Variants in DNAJC21 observed in about 807,000 individuals in gnomAD.
DNAJC21 encodes dnaJ homolog subfamily C member 21.
DNAJC21 carries 63 observed loss-of-function variants against 72.4 expected under a neutral mutation model. That is an observed-to-expected ratio of 0.87 (90% confidence interval 0.71 to 1.07). The LOEUF is 1.07. Among genes scored for constraint, DNAJC21 ranks in the 50% least tolerant of loss-of-function variants. The pLI, the probability that DNAJC21 is intolerant of heterozygous loss-of-function variation, is 0.00. For synonymous variants in DNAJC21, 203 were observed against 216.7 expected (o/e 0.94, Z 0.56); for missense variants, 634 against 644.8 (o/e 0.98, Z 0.18).
intron 9 of DNAJC21, chr5:34,949,745 T>A: frequency 6.2e-7 from 1 of 1,601,050 alleles, no homozygotes; most frequent in Non-Finnish European, 8.5e-7. Flanking sequence ...CCATTGTTTG[T>A]GACTGTAGAA....
chr5:34,935,650 A>T, intron 2 of DNAJC21, 60 bp from the exon 3 acceptor site: 1 of 1,601,968 alleles, frequency 6.2e-7, no homozygotes, highest in South Asian at 1.1e-5. Flanking sequence ...AAGGAGCAAG[A>T]AATCCTTTTG....
chr5:34,930,049 G>A, intron 1 of DNAJC21, 133 bp downstream of exon 1: 2 of 627,468 alleles, frequency 3.2e-6, no homozygotes, highest in South Asian at 3.1e-5. Flanking sequence ...TGCCCCGCCC[G>A]GCCAGTGCCC....
Position 34,937,352 on chromosome 5 carries a change from G to A in DNAJC21, c.465G>A (p.Trp155Ter). 6.2e-7 allele frequency: 1 copy of A among 1,612,864 alleles called. No homozygotes were observed. Among genetic ancestry groups the A allele is most frequent in the Non-Finnish European group, 8.5e-7 (1 of 1,179,578 alleles). The change falls in exon 5 of 12, where the codon TGG becomes TGA. Residue 155 changes from tryptophan (W) to a stop codon, truncating the protein, a stop_gained. Coordinates refer to ENST00000648817, the MANE Select transcript of DNAJC21 (RefSeq NM_001012339.3). LOFTEE classifies it high-confidence loss of function. ...DTVVHPFYAY[W>*]QSFCTQKNFA... is the part of the protein sequence containing the mutation. The stretch of plus-strand genomic sequence containing the variant: ...TAGTCCATCCTTTCTACGCTTATTG[G>A]CAGAGTTTCTGCACTCAAAAGAATT...
chr5:34,941,958 T>G (rs1561186416), intron 7 of DNAJC21, among the ~76,000 whole-genome samples: 1 of 152,014 alleles, frequency 6.6e-6, no homozygotes, highest in Non-Finnish European at 1.5e-5. Flanking sequence ...ACATACTGTC[T>G]CGGGGGATTC....
rs541592762 is a variant in DNAJC21 at position 34,939,680 on chromosome 5, T to C, written c.895+671T>C. 1.4e-3 allele frequency among the ~76,000 whole-genome samples: 211 copies of C among 152,264 alleles called. 1 individual carries two copies. The highest frequency in any genetic ancestry group is 4.8e-3 in the African/African-American group (200 of 41,568). ...ATGTGTTGTGTATAAATTCTTCCTCTCCCTTGTGACTTTATAGAAGGGCTC... is the reference window on the plus strand; with the variant it reads ...ATGTGTTGTGTATAAATTCTTCCTCCCCCTTGTGACTTTATAGAAGGGCTC... On this transcript the variant is annotated intron_variant, in intron 6 of 11. Transcript: ENST00000648817.
chr5:34,930,610 C>T (rs918677783), intron 1 of DNAJC21, among the ~76,000 whole-genome samples: 1 of 152,092 alleles, frequency 6.6e-6, no homozygotes, highest in Non-Finnish European at 1.5e-5. Context: ...TAATCCAGGC[C>T]TGTGTGACTT....
chr5:34,953,606 CTGTA>C (rs2112106513), intron 10 of DNAJC21: 1 of 191,494 alleles, frequency 5.2e-6, no homozygotes, highest in Admixed American at 6.1e-5. Flanking sequence ...GTATAAAACA[CTGTA>C]TTAAACACTG....
rs1340569584 is a variant in DNAJC21, at chr5:34,958,490, A to C, written c.*3776A>C. ...GAGAATCTATAAGGTTATTTTCATG[A>C]TTTTGCAAATGGGAAGGATTTCTTT... On this transcript the variant is annotated 3_prime_UTR_variant, in exon 12 of 12. Transcript: ENST00000648817. The C allele has an allele frequency of 1.3e-5, 2 of 152,224 alleles. No homozygotes were observed. The highest frequency in any genetic ancestry group is 6.5e-5 in the Admixed American group (1 of 15,280). The allele number at this position is 152,224 out of a possible 1,614,324, so 9.4% of individuals were successfully genotyped here. A position where few individuals can be genotyped will look rare whatever the true frequency, so the allele number is the denominator to read the frequency against.
intron 7 of DNAJC21, among the ~76,000 whole-genome samples, chr5:34,944,544 C>G (rs1209799645): frequency 2.0e-5 from 3 of 152,004 alleles, no homozygotes; most frequent in African/African-American, 7.2e-5. Context: ...CAAACCTCCC[C>G]CTGCCGACAT....
chr5:34,950,088 A>G (rs375087880), intron 9 of DNAJC21, 82 bp from the exon 10 acceptor site: 39 of 1,434,852 alleles, frequency 2.7e-5, no homozygotes, highest in Middle Eastern at 2.1e-4. Context: ...CCGAAGGTAT[A>G]TAACTATTTG....
Position 34,933,955 on chromosome 5 carries a change from C to G in DNAJC21, c.191+47C>G, listed in dbSNP as rs1764684543. ...CCATCCTAGTTTATGATGTTGGGAG[C>G]AGTTATCAATATAGGTGGTTGTTTT... is the stretch of plus-strand genomic sequence containing the variant. On this transcript the variant is annotated intron_variant, in intron 2 of 11. Coordinates refer to ENST00000648817, the MANE Select transcript of DNAJC21 (RefSeq NM_001012339.3). 1.9e-6 allele frequency: 3 copies of G among 1,557,468 alleles called. No homozygotes were observed. The East Asian group carries it at 6.8e-5, about 35-fold the overall frequency.
At chr5:34,931,031 A>C (rs1052597566) in intron 1 of DNAJC21, among the ~76,000 whole-genome samples, 2 of 152,236 alleles carry the variant, frequency 1.3e-5, no homozygotes, top group African/African-American at 4.8e-5. Flanking sequence ...TGAACTCAAC[A>C]GTATGGAGGA....
intron 1 of DNAJC21, among the ~76,000 whole-genome samples, chr5:34,932,380 C>T (rs1170722738): frequency 6.8e-6 from 1 of 147,430 alleles, no homozygotes; most frequent in Non-Finnish European, 1.5e-5. Flanking sequence ...AAGATCGCGC[C>T]ACTGCACTCC....
At chr5:34,954,196 A>G in intron 11 of DNAJC21, 195 bp downstream of exon 11, 1 of 524,692 alleles carries the variant, frequency 1.9e-6, no homozygotes, top group Non-Finnish European at 3.3e-6. Context: ...TGGAAATGCT[A>G]GACTGTACCA....
intron 10 of DNAJC21, chr5:34,951,398 C>G (rs906036550): frequency 1.0e-6 from 1 of 985,352 alleles, no homozygotes; most frequent in Non-Finnish European, 1.2e-6. Context: ...AACTTGAAGG[C>G]ACCCAGATCA....
rs1245091578 is a variant in DNAJC21 at position 34,935,835 on chromosome 5, T to C, written c.315+2T>C. 6.2e-7 allele frequency: 1 copy of C among 1,613,856 alleles called. No homozygotes were observed. The highest frequency in any genetic ancestry group is 1.1e-5 in the South Asian group (1 of 91,066). On this transcript the variant is annotated splice_donor_variant, in intron 3 of 11. Coordinates refer to ENST00000648817, the MANE Select transcript of DNAJC21 (RefSeq NM_001012339.3). LOFTEE classifies it high-confidence loss of function. ...TCTGGTTATGGAGATGATGAAAAGG[T>C]AAGATAAATGAACTCACCCTTGATT...
intron 10 of DNAJC21, chr5:34,951,399 A>G (rs944129402): frequency 2.0e-6 from 2 of 985,350 alleles, no homozygotes; most frequent in African/African-American, 3.5e-5. Flanking sequence ...ACTTGAAGGC[A>G]CCCAGATCAT....
At chr5:34,941,545 C>G (rs1049496200) in intron 7 of DNAJC21, among the ~76,000 whole-genome samples, 14 of 142,474 alleles carry the variant, frequency 9.8e-5, no homozygotes, top group Non-Finnish European at 2.1e-4. Flanking sequence ...TTTAGTATCT[C>G]TGAACTTGTG....
chr5:34,933,268 GTTTTAC>G (rs1467411975), intron 1 of DNAJC21, among the ~76,000 whole-genome samples: 1 of 152,036 alleles, frequency 6.6e-6, no homozygotes, highest in Non-Finnish European at 1.5e-5. Flanking sequence ...CAGTTGACTT[GTTTTAC>G]TTTTATTTTA....
Sources: gnomAD v4.1 joint callset for allele counts (sites outside exome capture counted in the v4.1 genomes callset) on GRCh38, gnomAD v4.1.1 for gene constraint, MANE v1.5 for transcripts, NCBI Gene and HGNC (gene_info 2026-07-23, HGNC 2026-07-21) for gene names.